The following ADGRL2 variants were observed in gnomAD, a reference collection of about 807,000 sequenced individuals.
ADGRL2 encodes the protein adhesion G protein-coupled receptor L2.
ADGRL2 carries 44 observed loss-of-function variants against 157.4 expected under a neutral mutation model. The ratio of observed to expected loss-of-function variants is 0.28; its 90% CI spans 0.22 to 0.36. The LOEUF (loss-of-function observed/expected upper bound fraction) is 0.36. ADGRL2 is among the 10% of genes least tolerant of loss of function. The probability of loss-of-function intolerance (pLI) is 1.00; values close to 1 mark genes in which losing one functional copy is unlikely to be tolerated. For synonymous variants in ADGRL2, 585 were observed against 624.7 expected (o/e 0.94, Z 0.95); for missense variants, 1,510 against 1,768.9 (o/e 0.85, Z 2.63).
At chr1:81,989,665 A>G in intron 23 of ADGRL2, 1 of 1,610,778 alleles carries the variant, frequency 6.2e-7, no homozygotes. Flanking sequence ...AGCTACTCTT[A>G]GGCCAGATAG....
chr1:81,473,145 G>T (rs2078206027), intron 2 of ADGRL2, among the ~76,000 whole-genome samples: 1 of 152,076 alleles, frequency 6.6e-6, no homozygotes, highest in Non-Finnish European at 1.5e-5. Flanking sequence ...ATGGAGAGTG[G>T]GTGGGAGGGA....
At chr1:81,826,692 CATTTAAATGTGTGGCAA>C (rs2091513505) in intron 1 of ADGRL2, among the ~76,000 whole-genome samples, 1 of 152,080 alleles carries the variant, frequency 6.6e-6, no homozygotes. Context: ...GTGAAGGCAC[CATTTAAATGTGTGGCAA>C]ATTTATCCTT....
At chr1:81,422,001 CA>C (rs1416107383) in intron 1 of ADGRL2, among the ~76,000 whole-genome samples, 2 of 152,072 alleles carry the variant, frequency 1.3e-5, no homozygotes, top group African/African-American at 4.8e-5. Flanking sequence ...GTATTACTTA[CA>C]GACTTATTTT....
chr1:81,448,137 C>CTT (rs1168945231), intron 2 of ADGRL2, among the ~76,000 whole-genome samples: 1,125 of 83,472 alleles, frequency 0.013, 1 homozygote, highest in Non-Finnish European at 0.016. Flanking sequence ...TTCTTTCTTT[C>CTT]TTTTTTTTTT....
intron 3 of ADGRL2, among the ~76,000 whole-genome samples, chr1:81,692,718 A>G (rs1032414001): frequency 7.2e-5 from 11 of 152,226 alleles, no homozygotes; most frequent in African/African-American, 2.4e-4. Flanking sequence ...TAGAATAGAA[A>G]GTTAAATCAG....
intron 3 of ADGRL2, among the ~76,000 whole-genome samples, chr1:81,617,673 C>A (rs1206338601): frequency 6.6e-6 from 1 of 152,198 alleles, no homozygotes; most frequent in African/African-American, 2.4e-5. Context: ...TTTTCGGGAA[C>A]AGAGTTGGCT....
intron 2 of ADGRL2, among the ~76,000 whole-genome samples, chr1:81,770,130 C>T (rs2086295463): frequency 7.1e-6 from 1 of 140,314 alleles, no homozygotes; most frequent in Non-Finnish European, 1.5e-5. Flanking sequence ...GCTGGGATTA[C>T]AGGCATGAGC....
chr1:81,321,753 A>G (rs1228485003), intron 1 of ADGRL2, among the ~76,000 whole-genome samples: 2 of 152,066 alleles, frequency 1.3e-5, no homozygotes, highest in East Asian at 3.9e-4. Flanking sequence ...TGTCACAGAT[A>G]TAATAAAAAT....
intron 1 of ADGRL2, among the ~76,000 whole-genome samples, chr1:81,390,885 C>T (rs1326281924): frequency 1.3e-5 from 2 of 152,422 alleles, no homozygotes; most frequent in East Asian, 1.9e-4. Context: ...TGCAAAGATG[C>T]TGCCACACAC....
rs1393645364 is a variant in ADGRL2 at position 81,929,314 on chromosome 1, T to C, written c.288-7414T>C. The stretch of plus-strand genomic sequence containing the variant: ...AGTTTCAGGGGAGCTGCAATAATAA[T>C]GCAGTGCCATCGGTGACGGGGAACG... On this transcript the variant is annotated intron_variant, in intron 3 of 23. Transcript: ENST00000686636. 2.6e-5 allele frequency among the ~76,000 whole-genome samples: 4 copies of C among 152,124 alleles called. No homozygotes were observed. The East Asian group carries it at 7.7e-4, about 29-fold the overall frequency.
At chr1:81,488,527 C>T (rs2078557811) in intron 2 of ADGRL2, among the ~76,000 whole-genome samples, 1 of 110,710 alleles carries the variant, frequency 9.0e-6, no homozygotes, top group South Asian at 3.4e-4. Context: ...ATGGCAAAAC[C>T]TGTCTCTACA....
intron 1 of ADGRL2, among the ~76,000 whole-genome samples, chr1:81,741,572 T>C: frequency 6.6e-6 from 1 of 152,184 alleles, no homozygotes; most frequent in Admixed American, 6.5e-5. Context: ...CACAAATCTA[T>C]CTACTTTTCC....
chr1:81,814,497 C>T (rs999052550), intron 1 of ADGRL2, among the ~76,000 whole-genome samples: 1 of 150,960 alleles, frequency 6.6e-6, no homozygotes, highest in African/African-American at 2.4e-5. Flanking sequence ...ATGATAAACC[C>T]TAAATAAGAT....
chr1:81,830,193 A>G (rs952333991), intron 1 of ADGRL2, among the ~76,000 whole-genome samples: 5 of 152,190 alleles, frequency 3.3e-5, no homozygotes, highest in Non-Finnish European at 7.3e-5. Context: ...TTTAGAACCT[A>G]ACACAGGACC....
At chr1:81,768,860 C>T (rs898426565) in intron 2 of ADGRL2, among the ~76,000 whole-genome samples, 25 of 152,072 alleles carry the variant, frequency 1.6e-4, no homozygotes, top group African/African-American at 5.8e-4. Flanking sequence ...GCAGGCAGAT[C>T]ACTTGAGGTC....
intron 2 of ADGRL2, among the ~76,000 whole-genome samples, chr1:81,531,046 T>C (rs2079585260): frequency 6.8e-6 from 1 of 147,508 alleles, no homozygotes; most frequent in Non-Finnish European, 1.5e-5. Flanking sequence ...ATCGCACCAC[T>C]GCACTACAGC....
At chr1:81,458,852 C>T (rs1036366380) in intron 2 of ADGRL2, among the ~76,000 whole-genome samples, 3 of 152,108 alleles carry the variant, frequency 2.0e-5, no homozygotes, top group Admixed American at 6.5e-5. Context: ...TGAACAGGGA[C>T]GTGTTACAGT....
intron 2 of ADGRL2, among the ~76,000 whole-genome samples, chr1:81,456,653 A>G (rs542727256): frequency 6.0e-5 from 9 of 150,500 alleles, no homozygotes; most frequent in African/African-American, 1.5e-4. Context: ...TTATACTTTC[A>G]TCACATCCTC....
chr1:81,553,016 A>G (rs2080188702), intron 2 of ADGRL2, among the ~76,000 whole-genome samples: 2 of 152,234 alleles, frequency 1.3e-5, no homozygotes, highest in Non-Finnish European at 2.9e-5. Context: ...CAGGGCATTT[A>G]CAGACAGCAG....
Sources: allele counts gnomAD v4.1 joint callset (sites outside exome capture counted in the v4.1 genomes callset), GRCh38; gene constraint gnomAD v4.1.1; transcripts MANE v1.5; gene names NCBI Gene and HGNC (gene_info 2026-07-23, HGNC 2026-07-21).